Variants in PTPRR observed in about 807,000 individuals in gnomAD.
PTPRR encodes receptor-type tyrosine-protein phosphatase R.
A neutral mutation model predicts 77.2 loss-of-function variants in PTPRR; 38 were observed. That is an observed-to-expected ratio of 0.49 (90% confidence interval 0.38 to 0.65). PTPRR has a LOEUF of 0.65. PTPRR is among the 30% of genes least tolerant of loss of function. PTPRR has a pLI of 0.00. For synonymous variants in PTPRR, 299 were observed against 283.1 expected (o/e 1.06, Z -0.57); for missense variants, 744 against 799.2 (o/e 0.93, Z 0.83).
At chr12:70,771,162 AATT>A (rs1890965432) in intron 2 of PTPRR, among the ~76,000 whole-genome samples, 2 of 133,352 alleles carry the variant, frequency 1.5e-5, no homozygotes, top group South Asian at 4.5e-4. Flanking sequence ...AATAATAATA[AATT>A]AAAAAAAAAT....
chr12:70,698,574 A>G (rs1888314264), intron 7 of PTPRR, among the ~76,000 whole-genome samples: 1 of 152,196 alleles, frequency 6.6e-6, no homozygotes, highest in Non-Finnish European at 1.5e-5. Context: ...ATATTGCTTA[A>G]TATGTAGTCA....
intron 2 of PTPRR, among the ~76,000 whole-genome samples, chr12:70,834,381 C>T (rs1892266427): frequency 6.6e-6 from 1 of 152,116 alleles, no homozygotes; most frequent in East Asian, 1.9e-4. Context: ...CTTAGACCAC[C>T]TAAATGAAAG....
chr12:70,646,561 A>T lies in PTPRR; in HGVS notation c.1881-7284T>A, dbSNP rs574597013. 2.0e-5 allele frequency among the ~76,000 whole-genome samples: 3 copies of T among 152,178 alleles called. No individual in the cohort carries two copies. The East Asian group carries it at 5.8e-4, about 29-fold the overall frequency. ...GAAGAAGGAAAATGTCCTGGCAGCC[A>T]CTTGGAAGATTCAGTCAGCATAATA... On this transcript the variant is annotated intron_variant, in intron 13 of 13. Transcript: ENST00000283228.
chr12:70,744,793 T>C (rs1264706429), intron 6 of PTPRR, among the ~76,000 whole-genome samples: 3 of 152,156 alleles, frequency 2.0e-5, no homozygotes, highest in Non-Finnish European at 4.4e-5. Flanking sequence ...GGATATTACT[T>C]TGAGAACTTA....
intron 2 of PTPRR, among the ~76,000 whole-genome samples, chr12:70,863,095 C>G (rs543626350): frequency 1.3e-5 from 2 of 152,250 alleles, no homozygotes; most frequent in African/African-American, 4.8e-5. Context: ...CTACTCTTTG[C>G]TTTTACAGAC....
intron 2 of PTPRR, among the ~76,000 whole-genome samples, chr12:70,872,286 C>T (rs1892971370): frequency 6.6e-6 from 1 of 152,052 alleles, no homozygotes; most frequent in African/African-American, 2.4e-5. Context: ...GGTTATTGAG[C>T]ATGTGGACAC....
chr12:70,819,139 G>C (rs867479947), intron 2 of PTPRR, among the ~76,000 whole-genome samples: 1 of 152,278 alleles, frequency 6.6e-6, no homozygotes, highest in East Asian at 1.9e-4. Flanking sequence ...TAGTCGACAT[G>C]GTGAAACCCC....
At chr12:70,690,034 A>G (rs1168800687) in intron 8 of PTPRR, among the ~76,000 whole-genome samples, 1 of 152,182 alleles carries the variant, frequency 6.6e-6, no homozygotes, top group Admixed American at 6.5e-5. Flanking sequence ...AATTAAAGTG[A>G]GGAGTGATGT....
intron 6 of PTPRR, among the ~76,000 whole-genome samples, chr12:70,721,731 A>G: frequency 6.6e-6 from 1 of 152,150 alleles, no homozygotes; most frequent in East Asian, 1.9e-4. Flanking sequence ...TTTAATCTTT[A>G]TTTCACAGGC....
At chr12:70,761,662 A>G in intron 3 of PTPRR, 36 bp from the exon 4 acceptor site, 2 of 1,460,430 alleles carry the variant, frequency 1.4e-6, no homozygotes, top group Non-Finnish European at 1.8e-6. Context: ...TGTTATAGAC[A>G]TTTTAAACAA....
chr12:70,796,487 G>C (rs1221996277), intron 2 of PTPRR, among the ~76,000 whole-genome samples: 1 of 152,030 alleles, frequency 6.6e-6, no homozygotes, highest in Non-Finnish European at 1.5e-5. Flanking sequence ...AACATAATCA[G>C]TACTTTTATC....
intron 2 of PTPRR, 60 bp from the exon 3 acceptor site, chr12:70,764,838 A>T: frequency 1.0e-5 from 12 of 1,179,874 alleles, no homozygotes; most frequent in African/African-American, 1.5e-5. Context: ...AGATGTATAG[A>T]ATACATCCAA....
intron 2 of PTPRR, among the ~76,000 whole-genome samples, chr12:70,770,016 G>A (rs1317517437): frequency 1.3e-5 from 2 of 151,708 alleles, no homozygotes; most frequent in Non-Finnish European, 2.9e-5. Context: ...ATTCAAGATG[G>A]AATAAAGACT....
At chr12:70,720,279 T>C (rs904656496) in intron 6 of PTPRR, among the ~76,000 whole-genome samples, 3 of 152,134 alleles carry the variant, frequency 2.0e-5, no homozygotes, top group Non-Finnish European at 2.9e-5. Context: ...ACCATGGAAA[T>C]GTGCTTGAAT....
At chr12:70,905,536 G>T (rs1242361229) in intron 1 of PTPRR, among the ~76,000 whole-genome samples, 1 of 151,898 alleles carries the variant, frequency 6.6e-6, no homozygotes, top group Non-Finnish European at 1.5e-5. Context: ...TAACCAGTGA[G>T]ATTTGATGGT....
intron 10 of PTPRR, among the ~76,000 whole-genome samples, chr12:70,677,649 G>A (rs868835455): frequency 1.1e-4 from 16 of 152,066 alleles, no homozygotes; most frequent in African/African-American, 2.7e-4. Flanking sequence ...ATTTTTCTTC[G>A]TCTATTGAAA....
chr12:70,669,588 A>ACACACACACACACACAC (rs1555247659), intron 10 of PTPRR, among the ~76,000 whole-genome samples: 2 of 150,370 alleles, frequency 1.3e-5, no homozygotes, highest in East Asian at 1.9e-4. Flanking sequence ...ACACACACAC[A>ACACACACACACACACAC]AGCTTGCACA....
At chr12:70,680,287 T>A (rs1181372341) in intron 10 of PTPRR, among the ~76,000 whole-genome samples, 2 of 152,202 alleles carry the variant, frequency 1.3e-5, no homozygotes, top group African/African-American at 4.8e-5. Flanking sequence ...TTTGATGGTG[T>A]CATGTTTCTT....
chr12:70,698,451 A>G (rs1888310062), intron 7 of PTPRR, 102 bp from the exon 8 acceptor site: 2 of 929,684 alleles, frequency 2.2e-6, no homozygotes, highest in Non-Finnish European at 1.7e-6. Context: ...CTTCAAAGCC[A>G]CTTAAAAACA....
Sources: allele counts gnomAD v4.1 joint callset (sites outside exome capture counted in the v4.1 genomes callset), GRCh38; gene constraint gnomAD v4.1.1; transcripts MANE v1.5; gene names NCBI Gene and HGNC (gene_info 2026-07-23, HGNC 2026-07-21).